Variants in IL1RAPL2 observed in about 807,000 individuals in gnomAD.
IL1RAPL2 encodes interleukin 1 receptor accessory protein like 2, also known as X-linked interleukin-1 receptor accessory protein-like 2.
A neutral mutation model predicts 44.1 loss-of-function variants in IL1RAPL2; 3 were observed. The observed-to-expected ratio is 0.07, with a 90% CI of 0.03 to 0.18. The LOEUF (loss-of-function observed/expected upper bound fraction) is 0.18. Among genes scored for constraint, IL1RAPL2 ranks in the 10% least tolerant of loss-of-function variants. IL1RAPL2 has a pLI of 1.00. For missense variants in IL1RAPL2, 391 were observed against 496.4 expected (o/e 0.79, Z 2.02); for synonymous variants, 181 against 178.8 (o/e 1.01, Z -0.10).
chrX:104,783,571 G>T (rs1185795457), intron 2 of IL1RAPL2, among the ~76,000 whole-genome samples: 1 of 110,466 alleles, frequency 9.1e-6, no homozygotes, highest in Admixed American at 9.8e-5. Flanking sequence ...AACTTATGCT[G>T]AAACGGTGGC....
intron 5 of IL1RAPL2, among the ~76,000 whole-genome samples, chrX:105,479,644 C>T (rs985528216): frequency 1.8e-5 from 2 of 109,867 alleles, no homozygotes; most frequent in Non-Finnish European, 3.8e-5. Flanking sequence ...GAGGCTGAGG[C>T]AGGAGAATCG....
At chrX:105,082,449 A>T (rs1190967475) in intron 2 of IL1RAPL2, among the ~76,000 whole-genome samples, 1 of 111,391 alleles carries the variant, frequency 9.0e-6, no homozygotes, top group Non-Finnish European at 1.9e-5. Context: ...TTCAAACTTT[A>T]CTAAGGATCA....
intron 2 of IL1RAPL2, among the ~76,000 whole-genome samples, chrX:105,048,513 T>C (rs939709649): frequency 7.1e-5 from 8 of 111,912 alleles, no homozygotes; most frequent in African/African-American, 9.7e-5. Flanking sequence ...AACTAATCAA[T>C]GTAAAAAATC....
At chrX:105,755,816 A>C (rs2038633495) in intron 10 of IL1RAPL2, among the ~76,000 whole-genome samples, 1 of 111,848 alleles carries the variant, frequency 8.9e-6, no homozygotes, top group African/African-American at 3.2e-5. Flanking sequence ...TTAAAAAGGT[A>C]TATGAGGCCA....
At chrX:105,592,238 G>C (rs371929068) in intron 6 of IL1RAPL2, among the ~76,000 whole-genome samples, 1 of 111,325 alleles carries the variant, frequency 9.0e-6, no homozygotes, top group East Asian at 2.8e-4. Context: ...AATAGCAACC[G>C]TCAATTTTTT....
intron 2 of IL1RAPL2, among the ~76,000 whole-genome samples, chrX:105,165,258 AT>A (rs1442765184): frequency 8.9e-6 from 1 of 111,813 alleles, no homozygotes; most frequent in Non-Finnish European, 1.9e-5. Flanking sequence ...ATTATAAAAC[AT>A]TTGAGTGCCA....
At chrX:104,666,632 G>A (rs1930491282) in intron 2 of IL1RAPL2, among the ~76,000 whole-genome samples, 1 of 112,231 alleles carries the variant, frequency 8.9e-6, no homozygotes, top group African/African-American at 3.2e-5. Context: ...ATCTGCCAGA[G>A]TGGAGACATG....
chrX:105,158,132 C>T (rs192123736), intron 2 of IL1RAPL2, among the ~76,000 whole-genome samples: 12 of 111,289 alleles, frequency 1.1e-4, no homozygotes, highest in South Asian at 3.8e-4. Flanking sequence ...ACGAGGCGGG[C>T]GGATCACGAG....
intron 2 of IL1RAPL2, among the ~76,000 whole-genome samples, chrX:105,162,977 G>A (rs1184683539): frequency 9.0e-6 from 1 of 111,327 alleles, no homozygotes; most frequent in Non-Finnish European, 1.9e-5. Context: ...TTGGAGAGAC[G>A]CAAACATTCA....
chrX:104,786,919 T>TTCTCTCTCTC (rs58609782), intron 2 of IL1RAPL2, among the ~76,000 whole-genome samples: 22 of 36,679 alleles, frequency 6.0e-4, no homozygotes, highest in African/African-American at 1.6e-3. Flanking sequence ...CTCATTCATA[T>TTCTCTCTCTC]TCTCTCTCTC....
intron 2 of IL1RAPL2, among the ~76,000 whole-genome samples, chrX:105,165,762 T>G (rs780287302): frequency 3.9e-4 from 44 of 111,893 alleles, no homozygotes; most frequent in Admixed American, 6.7e-4. Context: ...CTTCATGACC[T>G]CATAATTGTA....
At chrX:105,160,679 G>A (rs763232450) in intron 2 of IL1RAPL2, among the ~76,000 whole-genome samples, 1 of 111,379 alleles carries the variant, frequency 9.0e-6, no homozygotes, top group African/African-American at 3.3e-5. Flanking sequence ...TAGGGGAGAG[G>A]GAAGGAGATA....
chrX:105,261,397 T>C (rs1195311459), intron 4 of IL1RAPL2, among the ~76,000 whole-genome samples: 1 of 112,352 alleles, frequency 8.9e-6, no homozygotes, highest in Non-Finnish European at 1.9e-5. Flanking sequence ...GGGCCACACA[T>C]GCTAGCTGCT....
intron 1 of IL1RAPL2, among the ~76,000 whole-genome samples, chrX:104,587,152 C>A (rs1018661209): frequency 8.9e-6 from 1 of 111,920 alleles, no homozygotes; most frequent in Non-Finnish European, 1.9e-5. Context: ...AGTTGCTTAA[C>A]TTCTTTGACC....
intron 2 of IL1RAPL2, among the ~76,000 whole-genome samples, chrX:104,748,278 G>GA (rs1323740506): frequency 8.9e-6 from 1 of 111,898 alleles, no homozygotes; most frequent in Non-Finnish European, 1.9e-5. Context: ...AATAAGATAT[G>GA]AAAAACATTA....
intron 5 of IL1RAPL2, among the ~76,000 whole-genome samples, chrX:105,397,542 A>G (rs1451911216): frequency 9.0e-6 from 1 of 111,607 alleles, no homozygotes; most frequent in Non-Finnish European, 1.9e-5. Flanking sequence ...ATTTTCTTTT[A>G]TTGACCAAGA....
At chrX:105,265,177 T>G (rs754382097) in intron 4 of IL1RAPL2, among the ~76,000 whole-genome samples, 1 of 112,380 alleles carries the variant, frequency 8.9e-6, no homozygotes, top group East Asian at 2.8e-4. Flanking sequence ...TGTCTTTGAA[T>G]GAGTGTGTGG....
chrX:105,335,590 T>C (rs1004472798), intron 5 of IL1RAPL2, among the ~76,000 whole-genome samples: 2 of 111,516 alleles, frequency 1.8e-5, no homozygotes, highest in Non-Finnish European at 3.8e-5. Context: ...AATTAATGTC[T>C]GGGGTATCCA....
At chrX:104,648,163 T>C (rs932498145) in intron 1 of IL1RAPL2, among the ~76,000 whole-genome samples, 8 of 112,054 alleles carry the variant, frequency 7.1e-5, no homozygotes, top group African/African-American at 2.6e-4. Context: ...TGGAATCATA[T>C]CTATTTTTCA....
Sources: allele counts gnomAD v4.1 joint callset (sites outside exome capture counted in the v4.1 genomes callset), GRCh38; gene constraint gnomAD v4.1.1; transcripts MANE v1.5; gene names NCBI Gene and HGNC (gene_info 2026-07-23, HGNC 2026-07-21).